Variants in CHCT1 observed in about 807,000 individuals in gnomAD.
The protein encoded by CHCT1 is CHD1 helical C-terminal domain containing 1.
chr17:60,429,300 G>A, the CHCT1 span: 1 of 1,532,836 alleles, frequency 6.5e-7, no homozygotes, highest in South Asian at 1.2e-5. Context: ...GCGGTGCTGG[G>A]ACTCTAAAGT....
chr17:60,428,906 T>A, the CHCT1 span, among the ~76,000 whole-genome samples: 27,361 of 142,518 alleles, frequency 0.19, 5,876 homozygotes, highest in African/African-American at 0.53. Context: ...AAGGCTCCCA[T>A]TTTTTTTTTT....
the CHCT1 span, chr17:60,421,900 G>A: frequency 1.0e-6 from 1 of 985,508 alleles, no homozygotes. Flanking sequence ...CCTCCTGTGT[G>A]AAGCGGGACC....
At chr17:60,426,316 G>A in the CHCT1 span, 2 of 1,551,336 alleles carry the variant, frequency 1.3e-6, no homozygotes, top group Non-Finnish European at 1.7e-6. Flanking sequence ...GCCAAGCCTG[G>A]GAAATCAAAC....
At chr17:60,421,947 G>T in the CHCT1 span, 1 of 985,388 alleles carries the variant, frequency 1.0e-6, no homozygotes. Flanking sequence ...CGCGGGGAGG[G>T]TTACAGAGCC....
At chr17:60,428,163 A>T in the CHCT1 span, among the ~76,000 whole-genome samples, 1 of 152,196 alleles carries the variant, frequency 6.6e-6, no homozygotes, top group Non-Finnish European at 1.5e-5. Flanking sequence ...TTCAAAAGTA[A>T]CCCTAAGTGG....
chr17:60,429,573 T>C, the CHCT1 span: 1 of 1,610,558 alleles, frequency 6.2e-7, no homozygotes, highest in Admixed American at 1.7e-5. Context: ...GACCATTTGG[T>C]GTTGGGGTGA....
chr17:60,428,992 T>A, the CHCT1 span, among the ~76,000 whole-genome samples: 45 of 151,850 alleles, frequency 3.0e-4, no homozygotes, highest in Admixed American at 6.6e-4. Flanking sequence ...AACCTCCGCC[T>A]TCAGGGTTCT....
At chr17:60,426,683 T>C in the CHCT1 span, 9 of 1,591,444 alleles carry the variant, frequency 5.7e-6, no homozygotes, top group Non-Finnish European at 4.3e-6. Context: ...AGCGCTGTGC[T>C]CCACCTCCCC....
At chr17:60,421,241 C>T in the CHCT1 span, 4 of 522,984 alleles carry the variant, frequency 7.6e-6, no homozygotes, top group African/African-American at 6.2e-5. Flanking sequence ...TTATTCCTCC[C>T]CTTACAACAA....
chr17:60,431,376 T>C, the CHCT1 span: 2 of 739,046 alleles, frequency 2.7e-6, no homozygotes, highest in South Asian at 3.5e-5. Flanking sequence ...CAGGTCTTAA[T>C]TAGGAATAAA....
chr17:60,425,357 A>AT, the CHCT1 span, among the ~76,000 whole-genome samples: 6 of 152,068 alleles, frequency 3.9e-5, no homozygotes, highest in South Asian at 1.0e-3. Flanking sequence ...AATTTTTGTA[A>AT]TTTTTTGTAG....
At chr17:60,431,107 C>A in the CHCT1 span, 1 of 1,025,180 alleles carries the variant, frequency 9.8e-7, no homozygotes, top group Non-Finnish European at 1.5e-6. Flanking sequence ...CTACAACACC[C>A]CCCATGTATT....
chr17:60,423,571 C>T, the CHCT1 span, among the ~76,000 whole-genome samples: 1 of 152,110 alleles, frequency 6.6e-6, no homozygotes, highest in Non-Finnish European at 1.5e-5. Flanking sequence ...TCCAGCAATT[C>T]TCCTGCCCCA....
chr17:60,427,529 T>C, the CHCT1 span, among the ~76,000 whole-genome samples: 1 of 152,038 alleles, frequency 6.6e-6, no homozygotes, highest in South Asian at 2.1e-4. Context: ...GTGATTCTCC[T>C]GCCACAGCCT....
chr17:60,429,879 C>T, the CHCT1 span, among the ~76,000 whole-genome samples: 135 of 152,196 alleles, frequency 8.9e-4, 1 homozygote, highest in African/African-American at 3.0e-3. Context: ...GGCTGGAATG[C>T]AATGGCGCTA....
chr17:60,422,552 TG>T, the CHCT1 span: 1 of 1,548,156 alleles, frequency 6.5e-7, no homozygotes, highest in Non-Finnish European at 8.7e-7. Context: ...AGAGGGGACG[TG>T]GGGAGTGCCA....
At chr17:60,426,709 C>G in the CHCT1 span, 191 of 1,607,794 alleles carry the variant, frequency 1.2e-4, no homozygotes, top group Non-Finnish European at 1.5e-4. Flanking sequence ...AGGGTCTCCC[C>G]CTTTGCAGGA....
chr17:60,429,664 G>A, the CHCT1 span: 1 of 1,065,638 alleles, frequency 9.4e-7, no homozygotes, highest in East Asian at 2.5e-5. Context: ...TCTGCCCCCA[G>A]CCTGACAAGC....
At chr17:60,421,237 C>A in the CHCT1 span, 1 of 480,212 alleles carries the variant, frequency 2.1e-6, no homozygotes, top group Non-Finnish European at 2.7e-6. Context: ...AGGTTTATTC[C>A]TCCCCTTACA....
Sources: allele counts gnomAD v4.1 joint callset (sites outside exome capture counted in the v4.1 genomes callset), GRCh38; gene constraint gnomAD v4.1.1; transcripts MANE v1.5; gene names NCBI Gene and HGNC (gene_info 2026-07-23, HGNC 2026-07-21).